ARAP2: variants seen among roughly 807,000 people sequenced by gnomAD.
ARAP2 encodes ArfGAP with RhoGAP domain, ankyrin repeat and PH domain 2, also known as arf-GAP with Rho-GAP domain, ANK repeat and PH domain-containing protein 2.
A neutral mutation model predicts 194.5 loss-of-function variants in ARAP2; 148 were observed. The observed-to-expected ratio is 0.76, with a 90% CI of 0.67 to 0.87. ARAP2 has a LOEUF of 0.87. ARAP2 is among the 40% of genes least tolerant of loss of function. The pLI, the probability that ARAP2 is intolerant of heterozygous loss-of-function variation, is 0.00. For synonymous variants in ARAP2, 695 were observed against 683.5 expected (o/e 1.02, Z -0.26); for missense variants, 2,128 against 1,989.7 (o/e 1.07, Z -1.32).
intron 25 of ARAP2, among the ~76,000 whole-genome samples, chr4:36,114,814 G>T (rs1720937342): frequency 6.6e-6 from 1 of 151,978 alleles, no homozygotes; most frequent in African/African-American, 2.4e-5. Context: ...GGATTCCAGG[G>T]CAGATGTCAG....
chr4:36,176,796 A>G (rs1738028098), intron 9 of ARAP2, among the ~76,000 whole-genome samples: 1 of 152,122 alleles, frequency 6.6e-6, no homozygotes, highest in Non-Finnish European at 1.5e-5. Context: ...TTTAATGTGT[A>G]AGTTCACACT....
At chr4:36,020,228 T>C (rs1403162336) in intron 5 of ARAP2, among the ~76,000 whole-genome samples, 5 of 152,106 alleles carry the variant, frequency 3.3e-5, no homozygotes, top group African/African-American at 7.2e-5. Flanking sequence ...CTGGTCAACA[T>C]GGTGAAACCC....
intron 1 of ARAP2, among the ~76,000 whole-genome samples, chr4:36,236,774 G>T (rs1752533156): frequency 6.6e-6 from 1 of 152,118 alleles, no homozygotes; most frequent in African/African-American, 2.4e-5. Flanking sequence ...GCTTTTGCTG[G>T]TCTTAATGAC....
At chr4:36,235,635 C>G (rs141595301) in intron 1 of ARAP2, among the ~76,000 whole-genome samples, 1 of 152,210 alleles carries the variant, frequency 6.6e-6, no homozygotes, top group Admixed American at 6.5e-5. Context: ...CTGTTCACTG[C>G]TCAGCTCAAT....
chr4:36,112,850 A>C (rs1318627032), intron 26 of ARAP2, among the ~76,000 whole-genome samples: 2 of 151,832 alleles, frequency 1.3e-5, no homozygotes, highest in Non-Finnish European at 2.9e-5. Flanking sequence ...AGCCAGATGG[A>C]GGAAGAACAA....
intron 1 of ARAP2, among the ~76,000 whole-genome samples, chr4:36,237,327 G>A (rs1450802979): frequency 6.6e-6 from 1 of 152,196 alleles, no homozygotes; most frequent in African/African-American, 2.4e-5. Flanking sequence ...GAACTAATTA[G>A]CTGAGGGTAC....
chr4:36,141,025 T>G (rs1560515919), intron 19 of ARAP2, among the ~76,000 whole-genome samples: 1 of 151,662 alleles, frequency 6.6e-6, no homozygotes, highest in Non-Finnish European at 1.5e-5. Context: ...CTATGGAATG[T>G]GAAAATGGTA....
intron 6 of ARAP2, among the ~76,000 whole-genome samples, chr4:36,195,078 G>A (rs1015736439): frequency 3.3e-5 from 5 of 151,882 alleles, no homozygotes; most frequent in African/African-American, 1.2e-4. Flanking sequence ...AGGTTGAAAG[G>A]ATCATTTGAG....
At position 36,160,489 on chromosome 4, in the gene ARAP2, CAA is replaced by C. The variant is rs1365275147; in HGVS notation, c.2410_2411del (p.Leu804GlyfsTer10). ...TTAATTCTTCTTTGGTGAGAGATGC[CAA>C]AAGAGTTTTTCTGAATTTTCCTTCT... The part of the protein sequence containing the change: ...YKEGKFRKTL[L>X]ASLTKEELNK... On this transcript the variant is annotated frameshift_variant, in exon 13 of 33. Transcript: ENST00000303965. LOFTEE classifies it high-confidence loss of function. The C allele has an allele frequency of 6.4e-7, 1 of 1,564,338 alleles. No individual in the cohort carries two copies. The highest frequency in any genetic ancestry group is 8.6e-7 in the Non-Finnish European group (1 of 1,161,782).
At chr4:36,072,587 T>C (rs1311604516) in intron 32 of ARAP2, among the ~76,000 whole-genome samples, 1 of 150,848 alleles carries the variant, frequency 6.6e-6, no homozygotes, top group Non-Finnish European at 1.5e-5. Flanking sequence ...CCTGGGTTCC[T>C]GGGAAATGTA....
chr4:36,183,286 T>A (rs1234086829), intron 8 of ARAP2, among the ~76,000 whole-genome samples: 2 of 40,662 alleles, frequency 4.9e-5, no homozygotes, highest in Admixed American at 3.8e-4. Flanking sequence ...CTTTTTAAAA[T>A]TTTTTTTAAT....
intron 8 of ARAP2, among the ~76,000 whole-genome samples, chr4:36,178,636 G>A (rs1185500622): frequency 1.3e-5 from 2 of 152,246 alleles, no homozygotes; most frequent in East Asian, 3.9e-4. Context: ...TGTGTTACAG[G>A]CATAGGAATT....
intron 9 of ARAP2, among the ~76,000 whole-genome samples, chr4:36,007,714 A>G (rs1177938983): frequency 6.6e-6 from 1 of 152,196 alleles, no homozygotes; most frequent in East Asian, 1.9e-4. Context: ...TTCAACTGAC[A>G]TTGAATCTCA....
At chr4:36,157,928 TATACCACCTAGTGA>T (rs571578479) in intron 15 of ARAP2, among the ~76,000 whole-genome samples, 55 of 152,288 alleles carry the variant, frequency 3.6e-4, no homozygotes, top group African/African-American at 1.2e-3. Context: ...ATCACTGAAC[TATACCACCTAGTGA>T]ATACTAGGCT....
chr4:36,178,112 C>T (rs1469108838), intron 8 of ARAP2, 107 bp from the exon 9 acceptor site: 1 of 962,454 alleles, frequency 1.0e-6, no homozygotes, highest in East Asian at 2.7e-5. Context: ...GTGACAGATT[C>T]TTTCCCACAA....
intron 6 of ARAP2, among the ~76,000 whole-genome samples, chr4:36,018,431 A>C (rs911543478): frequency 3.1e-5 from 4 of 128,292 alleles, no homozygotes; most frequent in Admixed American, 8.9e-5. Flanking sequence ...TATGAGAGAC[A>C]ACTCACTCAA....
intron 8 of ARAP2, among the ~76,000 whole-genome samples, chr4:36,015,089 A>G (rs1715540475): frequency 6.6e-6 from 1 of 152,194 alleles, no homozygotes; most frequent in South Asian, 2.1e-4. Flanking sequence ...CAATGTTTAA[A>G]ACAGCTTACT....
At chr4:36,044,469 T>C (rs996470490) in intron 5 of ARAP2, among the ~76,000 whole-genome samples, 1 of 152,214 alleles carries the variant, frequency 6.6e-6, no homozygotes, top group African/African-American at 2.4e-5. Flanking sequence ...GAAGCTATTA[T>C]AACATATTTG....
At chr4:36,234,866 T>C (rs1752163219) in intron 1 of ARAP2, among the ~76,000 whole-genome samples, 1 of 152,222 alleles carries the variant, frequency 6.6e-6, no homozygotes, top group Non-Finnish European at 1.5e-5. Flanking sequence ...TACTTGCTTA[T>C]AAGCATGGTG....
Sources: gnomAD v4.1 joint callset for allele counts (sites outside exome capture counted in the v4.1 genomes callset) on GRCh38, gnomAD v4.1.1 for gene constraint, MANE v1.5 for transcripts, NCBI Gene and HGNC (gene_info 2026-07-23, HGNC 2026-07-21) for gene names.